PCDHA6: variants seen among roughly 807,000 people sequenced by gnomAD.
PCDHA6 encodes protocadherin alpha 6.
In PCDHA6, 55 loss-of-function variants were observed where a neutral mutation model predicts 60.3. That is an observed-to-expected ratio of 0.91 (90% CI 0.73 to 1.14). PCDHA6 has a LOEUF of 1.14. Among genes scored for constraint, PCDHA6 ranks in the 50% most tolerant of loss-of-function variants. The pLI is 0.00. For missense variants in PCDHA6, 1,327 were observed against 1,256.5 expected (o/e 1.06, Z -0.85); for synonymous variants, 652 against 557.9 (o/e 1.17, Z -2.38).
intron 1 of PCDHA6, chr5:140,849,920 C>T (rs2041223801): frequency 6.3e-7 from 1 of 1,598,270 alleles, no homozygotes; most frequent in Non-Finnish European, 8.6e-7. Flanking sequence ...GCCACATCTT[C>T]ACGGTGTCTG....
chr5:140,970,527 ATG>A (rs1270257257), intron 1 of PCDHA6, among the ~76,000 whole-genome samples: 2 of 151,436 alleles, frequency 1.3e-5, no homozygotes, highest in African/African-American at 4.9e-5. Context: ...GTAGATGAAT[ATG>A]TGTGTGTGTT....
In PCDHA6 at chr5:140,828,978, A is replaced by G; in HGVS notation, c.887A>G (p.Asp296Gly). 6.2e-7 allele frequency: 1 copy of G among 1,614,200 alleles called. No individual in the cohort carries two copies. The highest frequency in any genetic ancestry group is 8.5e-7 in the Non-Finnish European group (1 of 1,180,028). Residue 296 changes from aspartate (D) to glycine (G), a missense_variant, in exon 1 of 4, where the codon GAT (aspartate) becomes GGT (glycine). By Grantham distance (94) the Asp-to-Gly change is moderately conservative. Transcript: ENST00000529310. ...AAMVIDHFSI[D>G]RNTGEIVIRG... Reference sequence around the variant, plus strand: ...ATGGTTATTGACCACTTTAGCATAGATCGAAATACGGGAGAAATAGTGATT... The same window carrying G: ...ATGGTTATTGACCACTTTAGCATAGGTCGAAATACGGGAGAAATAGTGATT...
chr5:140,992,584 T>C (rs1327367703), intron 3 of PCDHA6, among the ~76,000 whole-genome samples: 1 of 152,194 alleles, frequency 6.6e-6, no homozygotes, highest in Non-Finnish European at 1.5e-5. Context: ...CTGCCTTGTA[T>C]GCATCTAGCG....
At chr5:140,920,889 T>G (rs1488579126) in intron 1 of PCDHA6, among the ~76,000 whole-genome samples, 2 of 150,044 alleles carry the variant, frequency 1.3e-5, no homozygotes, top group African/African-American at 4.9e-5. Context: ...GAACTTAAAG[T>G]CATATTTTGG....
At chr5:140,855,357 A>C (rs2043441484) in intron 1 of PCDHA6, among the ~76,000 whole-genome samples, 1 of 150,032 alleles carries the variant, frequency 6.7e-6, no homozygotes, top group South Asian at 2.1e-4. Context: ...TCATGTGGCT[A>C]GTGAGTAGGA....
In PCDHA6 at chr5:140,848,538, C is replaced by T. The variant is rs1354116035; in HGVS notation, c.2394+18053C>T. 7 of 1,595,202 alleles carry T rather than the reference C, an allele frequency of 4.4e-6. No individual in the cohort carries two copies. The Admixed American group carries it at 1.0e-4, about 23-fold the overall frequency. ...AGGAGATCCAGAGGGTCAGCCTCTA[C>T]TGCTCTCGCTTCTGATCCTCGCAAT... is the stretch of plus-strand genomic sequence containing the variant. On this transcript the variant is annotated intron_variant, in intron 1 of 3. Transcript: ENST00000529310.
chr5:140,972,754 C>T (rs782389999), intron 1 of PCDHA6, among the ~76,000 whole-genome samples: 1 of 151,316 alleles, frequency 6.6e-6, no homozygotes, highest in African/African-American at 2.4e-5. Flanking sequence ...ACCTCCGCCT[C>T]CCAAGTTAAA....
chr5:140,972,884 G>A (rs763416041), intron 1 of PCDHA6, among the ~76,000 whole-genome samples: 4 of 151,972 alleles, frequency 2.6e-5, no homozygotes, highest in African/African-American at 7.3e-5. Flanking sequence ...GGATGGTCTC[G>A]ATCTCTTGAC....
At chr5:140,965,861 T>C (rs971753310) in intron 1 of PCDHA6, among the ~76,000 whole-genome samples, 3 of 152,192 alleles carry the variant, frequency 2.0e-5, no homozygotes, top group African/African-American at 7.2e-5. Flanking sequence ...ACACTGAAAA[T>C]AAGGGCCACT....
chr5:140,868,946 G>C, intron 1 of PCDHA6: 1 of 1,292,216 alleles, frequency 7.7e-7, no homozygotes, highest in Non-Finnish European at 1.1e-6. Flanking sequence ...TCTGAACAGT[G>C]AGGCACTCCC....
At chr5:140,888,443 A>C (rs1374471673) in intron 1 of PCDHA6, among the ~76,000 whole-genome samples, 2 of 152,172 alleles carry the variant, frequency 1.3e-5, no homozygotes, top group Non-Finnish European at 2.9e-5. Context: ...GCCGCCCAAC[A>C]ATAAAGAATT....
At chr5:140,841,595 C>G (rs2150318765) in intron 1 of PCDHA6, 1 of 1,614,060 alleles carries the variant, frequency 6.2e-7, no homozygotes, top group Non-Finnish European at 8.5e-7. Flanking sequence ...TCGGATCGAC[C>G]GCGAGGAGCT....
chr5:140,898,153 G>C (rs1379342887), intron 1 of PCDHA6, among the ~76,000 whole-genome samples: 3 of 152,182 alleles, frequency 2.0e-5, no homozygotes, highest in South Asian at 2.1e-4. Context: ...TGTTCACGCT[G>C]ATGGTGGTTT....
chr5:141,007,133 G>A (rs1588151080), intron 3 of PCDHA6, among the ~76,000 whole-genome samples: 1 of 152,128 alleles, frequency 6.6e-6, no homozygotes, highest in South Asian at 2.1e-4. Flanking sequence ...CAGATGAGGA[G>A]ACTGACAAAG....
intron 1 of PCDHA6, chr5:140,871,599 TG>T (rs1554165773): frequency 6.9e-7 from 1 of 1,447,790 alleles, no homozygotes; most frequent in Admixed American, 2.7e-5. Flanking sequence ...GAATAACCAG[TG>T]TTTTGAATAT....
chr5:140,928,642 G>C, intron 1 of PCDHA6: 1 of 1,614,232 alleles, frequency 6.2e-7, no homozygotes, highest in African/African-American at 1.3e-5. Flanking sequence ...CACAAAAGTG[G>C]TAGCAGAGGA....
chr5:140,967,858 G>C lies in PCDHA6; in HGVS notation c.2395-11091G>C, dbSNP rs2096190865. ...TGGACGTGAATGACAATGCCCCAGA[G>C]GTGGTGCTCACGGACCTGTATAGCC... On this transcript the variant is annotated intron_variant, in intron 1 of 3. Coordinates refer to ENST00000529310, the MANE Select transcript of PCDHA6 (RefSeq NM_018909.4). 6 of 1,614,166 alleles carry C rather than the reference G, an allele frequency of 3.7e-6. No homozygotes were observed. The East Asian group carries it at 1.3e-4, about 36-fold the overall frequency.
chr5:140,986,753 A>C (rs2097211895), intron 3 of PCDHA6, among the ~76,000 whole-genome samples: 1 of 152,236 alleles, frequency 6.6e-6, no homozygotes, highest in Non-Finnish European at 1.5e-5. Flanking sequence ...CTGGGACTAA[A>C]CAGTGAAAGA....
intron 1 of PCDHA6, chr5:140,928,604 C>T: frequency 6.2e-7 from 1 of 1,614,198 alleles, no homozygotes; most frequent in Non-Finnish European, 8.5e-7. Context: ...GAAATTGTGC[C>T]CCGCTCTGCC....
Sources: gnomAD v4.1 joint callset for allele counts (sites outside exome capture counted in the v4.1 genomes callset) on GRCh38, gnomAD v4.1.1 for gene constraint, MANE v1.5 for transcripts, NCBI Gene and HGNC (gene_info 2026-07-23, HGNC 2026-07-21) for gene names.